C1QA: variants seen among roughly 807,000 people sequenced by gnomAD.
C1QA encodes the protein complement C1q subcomponent subunit A.
In C1QA, 3 loss-of-function variants were observed where a neutral mutation model predicts 6.9. The ratio of observed to expected loss-of-function variants is 0.44; its 90% CI spans 0.20 to 1.12. The LOEUF (loss-of-function observed/expected upper bound fraction) is 1.12, where lower values mean the gene tolerates loss of function less well. Among genes scored for constraint, C1QA ranks in the 50% most tolerant of loss-of-function variants. The pLI is 0.27. For synonymous variants in C1QA, 128 were observed against 134.1 expected (o/e 0.95, Z 0.31); for missense variants, 273 against 326.6 (o/e 0.84, Z 1.26).
At position 22,637,771 on chromosome 1, in the gene C1QA, G is replaced by A; in HGVS notation, c.155G>A (p.Gly52Glu). ...CGGCCAGGCCTCAAGGGGGAGCAAG[G>A]GGAGCCGGGTAAGCACCCTTCCTCG... ...RGRPGLKGEQ[G>E]EPGAPGIRTG... is the part of the protein sequence containing the mutation. The change falls in exon 2 of 3, where the codon GGG (glycine) becomes GAG (glutamate). Residue 52 changes from glycine (G) to glutamate (E), a missense_variant. Coordinates refer to ENST00000374642, the MANE Select transcript of C1QA (RefSeq NM_015991.4). The surrounding 1 kb of genome is among the most constrained non-coding windows in gnomAD (Gnocchi z 4.4). 6.3e-7 allele frequency: 1 copy of A among 1,583,444 alleles called. No homozygotes were observed. Among genetic ancestry groups the A allele is most frequent in the Non-Finnish European group, 8.6e-7 (1 of 1,165,392 alleles).
rs377376778 is a variant in C1QA, at chr1:22,639,023, C to A, written c.354C>A (p.Ser118=). 6.2e-7 allele frequency: 1 copy of A among 1,613,960 alleles called. No homozygotes were observed. The change falls in exon 3 of 3, where the codon TCC becomes TCA. Residue 118 remains serine, a synonymous_variant. Transcript: ENST00000374642. This position sits in a 1 kb window ranked among gnomAD's most constrained non-coding sequence, Gnocchi z 4.6. ...AGGACCAGCCGAGGCCAGCCTTCTC[C>A]GCCATTCGGCGGAACCCCCCAATGG... ...NIKDQPRPAF[S]AIRRNPPMGG...
Position 22,638,927 on chromosome 1 carries a change from G to T in C1QA, c.258G>T (p.Gly86=). The part of the protein sequence containing the change: ...SGNPGKVGYP[G]PSGPLGARGI... ...ACCCCGGCAAGGTGGGCTACCCAGG[G>T]CCCAGCGGCCCCCTCGGAGCCCGTG... Residue 86 remains glycine, a synonymous_variant, in exon 3 of 3, where the codon GGG becomes GGT. Coordinates refer to ENST00000374642, the MANE Select transcript of C1QA (RefSeq NM_015991.4). 1 of 1,595,554 alleles carries T rather than the reference G, an allele frequency of 6.3e-7. No homozygotes were observed. The highest frequency in any genetic ancestry group is 8.5e-7 in the Non-Finnish European group (1 of 1,171,494).
rs759914877 is a variant in C1QA at position 22,639,515 on chromosome 1, A to T, written c.*108A>T. 1.6e-5 allele frequency: 22 copies of T among 1,344,258 alleles called. No individual in the cohort carries two copies. The African/African-American group carries it at 2.9e-4, about 18-fold the overall frequency. The allele number at this position is 1,344,258 out of a possible 1,614,324, so 83.3% of individuals were successfully genotyped here. ...CTGAAGGGAGGGGGCTGGCTCTGAG[A>T]GCCCCAGGACTGGCTGCCCCGTGAC... On this transcript the variant is annotated 3_prime_UTR_variant, in exon 3 of 3. Transcript: ENST00000374642. The surrounding 1 kb of genome is among the most constrained non-coding windows in gnomAD (Gnocchi z 4.6).
intron 2 of C1QA, 62 bp from the exon 3 acceptor site, chr1:22,638,771 T>A (rs1271461719): frequency 6.6e-7 from 1 of 1,522,574 alleles, no homozygotes; most frequent in Non-Finnish European, 8.9e-7. Flanking sequence ...GGGGTCCAGC[T>A]CTCTCCCTGA....
rs976573603 is a variant in C1QA, at chr1:22,637,732, C to T, written c.116C>T (p.Pro39Leu). ...PDGKKGEAGR[P>L]GRRGRPGLKG... ...GGGAAGAAAGGGGAGGCAGGAAGAC[C>T]TGGCAGACGGGGGCGGCCAGGCCTC... The change falls in exon 2 of 3, where the codon CCT becomes CTT. Residue 39 changes from proline to leucine, a missense_variant. Transcript: ENST00000374642. The surrounding 1 kb of genome is among the most constrained non-coding windows in gnomAD (Gnocchi z 4.4). The T allele has an allele frequency of 1.2e-6, 2 of 1,610,936 alleles. No homozygotes were observed. Among genetic ancestry groups the T allele is most frequent in the Non-Finnish European group, 1.7e-6 (2 of 1,178,944 alleles).
chr1:22,639,013 C>T lies in C1QA; in HGVS notation c.344C>T (p.Pro115Leu). Residue 115 changes from proline to leucine, a missense_variant, in exon 3 of 3, where the codon CCA (proline) becomes CTA (leucine). Physicochemically the swap from Pro to Leu is moderately conservative, Grantham distance 98. Transcript: ENST00000374642. The surrounding 1 kb of genome is among the most constrained non-coding windows in gnomAD (Gnocchi z 4.6). ...GGAAACATCAAGGACCAGCCGAGGC[C>T]AGCCTTCTCCGCCATTCGGCGGAAC... ...SPGNIKDQPR[P>L]AFSAIRRNPP... 1 of 1,613,802 alleles carries T rather than the reference C, an allele frequency of 6.2e-7. No homozygotes were observed. Among genetic ancestry groups the T allele is most frequent in the South Asian group, 1.1e-5 (1 of 91,044 alleles).
rs757675781 is a variant in C1QA, at chr1:22,639,131, T to A, written c.462T>A (p.Thr154=). The change falls in exon 3 of 3, where the codon ACT becomes ACA. Residue 154 remains threonine (T), a synonymous_variant. Coordinates refer to ENST00000374642, the MANE Select transcript of C1QA (RefSeq NM_015991.4). The surrounding 1 kb of genome is among the most constrained non-coding windows in gnomAD (Gnocchi z 4.6). The part of the protein sequence containing the change: ...YQNHSGRFVC[T]VPGYYYFTFQ... Reference sequence around the variant, plus strand: ...ACCACTCCGGCCGATTCGTCTGCACTGTACCCGGCTACTACTACTTCACCT... The same window carrying A: ...ACCACTCCGGCCGATTCGTCTGCACAGTACCCGGCTACTACTACTTCACCT... 24 of 1,614,152 alleles carry A rather than the reference T, an allele frequency of 1.5e-5. No homozygotes were observed. The highest frequency in any genetic ancestry group is 1.9e-5 in the Non-Finnish European group (23 of 1,180,060).
rs1057292526 is a variant in C1QA, at chr1:22,637,948, C to T, written c.163+169C>T. 3.3e-5 allele frequency among the ~76,000 whole-genome samples: 5 copies of T among 152,204 alleles called. No individual in the cohort carries two copies. Among genetic ancestry groups the T allele is most frequent in the South Asian group, 2.1e-4 (1 of 4,834 alleles). On this transcript the variant is annotated intron_variant, in intron 2 of 2. Coordinates refer to ENST00000374642, the MANE Select transcript of C1QA (RefSeq NM_015991.4). This position sits in a 1 kb window ranked among gnomAD's most constrained non-coding sequence, Gnocchi z 4.4. ...GGGGCTAAGGGAGGCCTAGCCTTCT[C>T]GGGCCATGTCCTCAGGCCTCTCCAC... is the stretch of plus-strand genomic sequence containing the variant.
rs1297164955 is a variant in C1QA, at chr1:22,639,500, G to A, written c.*93G>A. On this transcript the variant is annotated 3_prime_UTR_variant, in exon 3 of 3. Transcript: ENST00000374642. This position sits in a 1 kb window ranked among gnomAD's most constrained non-coding sequence, Gnocchi z 4.6. ...CTATTGCTTCAGCTGCTGAAGGGAG[G>A]GGGCTGGCTCTGAGAGCCCCAGGAC... 2.0e-6 allele frequency: 3 copies of A among 1,473,368 alleles called. No individual in the cohort carries two copies. The highest frequency in any genetic ancestry group is 2.4e-5 in the South Asian group (2 of 84,444). 91.3% of individuals were successfully genotyped at this position (1,473,368 alleles called of 1,614,324 possible). A position where few individuals can be genotyped will look rare whatever the true frequency, so the allele number is the denominator to read the frequency against.
rs1557601149 is a variant in C1QA at position 22,639,274 on chromosome 1, C to T, written c.605C>T (p.Ser202Leu). The T allele has an allele frequency of 4.3e-6, 7 of 1,614,158 alleles. No homozygotes were observed. The highest frequency in any genetic ancestry group is 5.9e-6 in the Non-Finnish European group (7 of 1,180,006). Reference sequence around the variant, plus strand: ...AACAAGGGGCTCTTCCAGGTGGTGTCAGGGGGCATGGTGCTTCAGCTGCAG... The same window carrying T: ...AACAAGGGGCTCTTCCAGGTGGTGTTAGGGGGCATGGTGCTTCAGCTGCAG... ...TTNKGLFQVV[S>L]GGMVLQLQQG... Residue 202 changes from serine (S) to leucine (L), a missense_variant, in exon 3 of 3, where the codon TCA becomes TTA. By Grantham distance (145) the Ser-to-Leu change is moderately radical (BLOSUM62 -2). Transcript: ENST00000374642. The surrounding 1 kb of genome is among the most constrained non-coding windows in gnomAD (Gnocchi z 4.6).
chr1:22,637,986 G>C lies in C1QA; in HGVS notation c.163+207G>C, dbSNP rs2148290279. Among the ~76,000 whole-genome samples, 3 of 152,324 alleles carry C rather than the reference G, an allele frequency of 2.0e-5. No individual in the cohort carries two copies. The South Asian group carries it at 6.2e-4, about 32-fold the overall frequency. On this transcript the variant is annotated intron_variant, in intron 2 of 2. Coordinates refer to ENST00000374642, the MANE Select transcript of C1QA (RefSeq NM_015991.4). This position sits in a 1 kb window ranked among gnomAD's most constrained non-coding sequence, Gnocchi z 4.4. ...CAGGCCTCTCCACTCCCTGTGTACTGCCTGGGCCCTCTTTCTTCGGCTTCA... is the reference window on the plus strand; with the variant it reads ...CAGGCCTCTCCACTCCCTGTGTACTCCCTGGGCCCTCTTTCTTCGGCTTCA...
chr1:22,637,745 G>T lies in C1QA; in HGVS notation c.129G>T (p.Gly43=). The change falls in exon 2 of 3, where the codon GGG becomes GGT. Residue 43 remains glycine, a synonymous_variant. Transcript: ENST00000374642. This position sits in a 1 kb window ranked among gnomAD's most constrained non-coding sequence, Gnocchi z 4.4. ...KGEAGRPGRR[G]RPGLKGEQGE... is the part of the protein sequence containing the mutation. ...AGGCAGGAAGACCTGGCAGACGGGGGCGGCCAGGCCTCAAGGGGGAGCAAG... is the reference window on the plus strand; with the variant it reads ...AGGCAGGAAGACCTGGCAGACGGGGTCGGCCAGGCCTCAAGGGGGAGCAAG... 1 of 1,605,228 alleles carries T rather than the reference G, an allele frequency of 6.2e-7. No individual in the cohort carries two copies. The highest frequency in any genetic ancestry group is 2.2e-5 in the East Asian group (1 of 44,624).
In C1QA at chr1:22,637,917, G is replaced by A; in HGVS notation, c.163+138G>A. On this transcript the variant is annotated intron_variant, in intron 2 of 2. Transcript: ENST00000374642. The surrounding 1 kb of genome is among the most constrained non-coding windows in gnomAD (Gnocchi z 4.4). ...ATGAATCCTCTCCAGTTTGTACTTGGCCACAGGGGCTAAGGGAGGCCTAGC... is the reference window on the plus strand; with the variant it reads ...ATGAATCCTCTCCAGTTTGTACTTGACCACAGGGGCTAAGGGAGGCCTAGC... 8.3e-7 allele frequency: 1 copy of A among 1,206,374 alleles called. No homozygotes were observed. The highest frequency in any genetic ancestry group is 1.1e-6 in the Non-Finnish European group (1 of 884,142). 74.7% of individuals were successfully genotyped at this position (1,206,374 alleles called of 1,614,324 possible).
Position 22,637,612 on chromosome 1 carries a change from G to C in C1QA, c.-5G>C. 4 of 1,613,958 alleles carry C rather than the reference G, an allele frequency of 2.5e-6. No individual in the cohort carries two copies. The highest frequency in any genetic ancestry group is 3.4e-6 in the Non-Finnish European group (4 of 1,179,966). ...CAGGCCCTCCCGTGTCTCCACAGAG[G>C]CATCATGGAGGGTCCCCGGGGATGG... On this transcript the variant is annotated splice_region_variant and 5_prime_UTR_variant, in exon 2 of 3. Coordinates refer to ENST00000374642, the MANE Select transcript of C1QA (RefSeq NM_015991.4). This position sits in a 1 kb window ranked among gnomAD's most constrained non-coding sequence, Gnocchi z 4.4.
chr1:22,637,761 G>T lies in C1QA; in HGVS notation c.145G>T (p.Gly49Trp). 1 of 1,587,560 alleles carries T rather than the reference G, an allele frequency of 6.3e-7. No homozygotes were observed. ...CAGACGGGGGCGGCCAGGCCTCAAG[G>T]GGGAGCAAGGGGAGCCGGGTAAGCA... ...PGRRGRPGLKGEQGEPGAPGI... is the reference protein window; with the variant it reads ...PGRRGRPGLKWEQGEPGAPGI... The change falls in exon 2 of 3, where the codon GGG (glycine) becomes TGG (tryptophan). Residue 49 changes from glycine to tryptophan, a missense_variant. By Grantham distance (184) the Gly-to-Trp change is radical. Coordinates refer to ENST00000374642, the MANE Select transcript of C1QA (RefSeq NM_015991.4). The surrounding 1 kb of genome is among the most constrained non-coding windows in gnomAD (Gnocchi z 4.4).
Position 22,637,529 on chromosome 1 carries a change from A to C in C1QA, c.-7-81A>C. The C allele has an allele frequency of 6.5e-7, 1 of 1,528,474 alleles. No individual in the cohort carries two copies. The highest frequency in any genetic ancestry group is 9.0e-7 in the Non-Finnish European group (1 of 1,115,898). The allele number at this position is 1,528,474 out of a possible 1,614,324, so 94.7% of individuals were successfully genotyped here. On this transcript the variant is annotated intron_variant, in intron 1 of 2. Transcript: ENST00000374642. The surrounding 1 kb of genome is among the most constrained non-coding windows in gnomAD (Gnocchi z 4.4). ...ACTTGGGGAGGACTGTGCATATATC[A>C]TTGTGTGCATGGGACTCAAGGGTGG...
Position 22,639,528 on chromosome 1 carries a change from G to T in C1QA, c.*121G>T, listed in dbSNP as rs1483954557. 2 of 1,131,746 alleles carry T rather than the reference G, an allele frequency of 1.8e-6. No individual in the cohort carries two copies. The highest frequency in any genetic ancestry group is 2.5e-6 in the Non-Finnish European group (2 of 788,944). The allele number at this position is 1,131,746 out of a possible 1,614,324, so 70.1% of individuals were successfully genotyped here. A position where few individuals can be genotyped will look rare whatever the true frequency, so the allele number is the denominator to read the frequency against. ...GCTGGCTCTGAGAGCCCCAGGACTG[G>T]CTGCCCCGTGACACATGCTCTAAGA... On this transcript the variant is annotated 3_prime_UTR_variant, in exon 3 of 3. Coordinates refer to ENST00000374642, the MANE Select transcript of C1QA (RefSeq NM_015991.4). The surrounding 1 kb of genome is among the most constrained non-coding windows in gnomAD (Gnocchi z 4.6).
At position 22,638,813 on chromosome 1, in the gene C1QA, T is replaced by C. The variant is rs904647605; in HGVS notation, c.164-20T>C. On this transcript the variant is annotated intron_variant, in intron 2 of 2. Coordinates refer to ENST00000374642, the MANE Select transcript of C1QA (RefSeq NM_015991.4). ...GTAGGCATTGGACTCTCACTTCCAA[T>C]CTGGCATTTCTCCCCACAGGGGCCC... is the stretch of plus-strand genomic sequence containing the variant. 6 of 1,565,022 alleles carry C rather than the reference T, an allele frequency of 3.8e-6. No individual in the cohort carries two copies. The highest frequency in any genetic ancestry group is 4.3e-6 in the Non-Finnish European group (5 of 1,154,922).
In C1QA at chr1:22,637,746, C is replaced by A; in HGVS notation, c.130C>A (p.Arg44=). The change falls in exon 2 of 3, where the codon CGG becomes AGG. Residue 44 remains arginine (R), a synonymous_variant. Coordinates refer to ENST00000374642, the MANE Select transcript of C1QA (RefSeq NM_015991.4). This position sits in a 1 kb window ranked among gnomAD's most constrained non-coding sequence, Gnocchi z 4.4. ...GEAGRPGRRG[R]PGLKGEQGEP... ...GGCAGGAAGACCTGGCAGACGGGGG[C>A]GGCCAGGCCTCAAGGGGGAGCAAGG... 6.2e-7 allele frequency: 1 copy of A among 1,604,458 alleles called. No individual in the cohort carries two copies.
Sources: gnomAD v4.1 joint callset for allele counts (sites outside exome capture counted in the v4.1 genomes callset) on GRCh38, gnomAD v4.1.1 for gene constraint, Gnocchi (gnomAD v3.1) non-coding constraint, MANE v1.5 for transcripts, NCBI Gene and HGNC (gene_info 2026-07-23, HGNC 2026-07-21) for gene names.